SLC25A26: variants seen among roughly 807,000 people sequenced by gnomAD.
SLC25A26 encodes mitochondrial S-adenosylmethionine carrier protein.
Under a neutral mutation model 37.8 loss-of-function variants are expected in SLC25A26, and 36 were observed. That is an observed-to-expected ratio of 0.95 (90% CI 0.73 to 1.26). The LOEUF is 1.26. Among genes scored for constraint, SLC25A26 ranks in the 50% most tolerant of loss-of-function variants. SLC25A26 has a pLI of 0.00. For missense variants in SLC25A26, 390 were observed against 331.1 expected (o/e 1.18, Z -1.38); for synonymous variants, 129 against 122.5 (o/e 1.05, Z -0.35).
intron 3 of SLC25A26, among the ~76,000 whole-genome samples, chr3:66,249,355 C>T (rs1035657842): frequency 1.3e-5 from 2 of 152,186 alleles, no homozygotes; most frequent in African/African-American, 4.8e-5. Flanking sequence ...CCTTTGGTAT[C>T]AGCATATGGG....
intron 1 of SLC25A26, among the ~76,000 whole-genome samples, chr3:66,209,515 T>G (rs1032712803): frequency 6.3e-5 from 9 of 142,336 alleles, no homozygotes; most frequent in Admixed American, 1.5e-4. Context: ...AGTTATATAT[T>G]CTTTGTGTTT....
intron 5 of SLC25A26, among the ~76,000 whole-genome samples, chr3:66,308,580 G>A (rs1049002876): frequency 2.6e-5 from 4 of 152,154 alleles, no homozygotes; most frequent in Non-Finnish European, 4.4e-5. Context: ...CTGCTGTGCC[G>A]GTTTTCAAAG....
chr3:66,149,021 C>A (rs2070160157), intron 1 of SLC25A26, among the ~76,000 whole-genome samples: 1 of 152,126 alleles, frequency 6.6e-6, no homozygotes, highest in African/African-American at 2.4e-5. Context: ...CTCCCCAACA[C>A]TGTAGGATGT....
intron 5 of SLC25A26, among the ~76,000 whole-genome samples, chr3:66,334,976 A>C (rs138674172): frequency 3.3e-5 from 5 of 152,144 alleles, no homozygotes; most frequent in Admixed American, 2.6e-4. Flanking sequence ...TCTATTTTCT[A>C]TCTCTCCTGA....
At chr3:66,237,931 A>G (rs1041395988) in intron 2 of SLC25A26, among the ~76,000 whole-genome samples, 4 of 152,236 alleles carry the variant, frequency 2.6e-5, no homozygotes, top group African/African-American at 9.7e-5. Flanking sequence ...AAAGGTTTGT[A>G]GTGCAAAGAG....
chr3:66,237,562 G>A (rs2072354742), intron 2 of SLC25A26, among the ~76,000 whole-genome samples: 1 of 152,200 alleles, frequency 6.6e-6, no homozygotes, highest in Non-Finnish European at 1.5e-5. Flanking sequence ...TCTCACTAAT[G>A]TTCTCCTGGA....
chr3:66,355,244 G>A (rs905158523), intron 6 of SLC25A26, among the ~76,000 whole-genome samples: 4 of 151,834 alleles, frequency 2.6e-5, no homozygotes, highest in Admixed American at 6.6e-5. Context: ...ATTAGTTCAA[G>A]ATTTTCTTAT....
At position 66,221,047 on chromosome 3, in the gene SLC25A26, C is replaced by T. The variant is rs148202338; in HGVS notation, c.-48C>T. 3,302 of 1,533,924 alleles carry T rather than the reference C, an allele frequency of 2.2e-3. 60 individuals carry two copies. In the African/African-American group the frequency reaches 0.038, roughly 18 times the overall value. On this transcript the variant is annotated 5_prime_UTR_variant, in exon 1 of 10. Transcript: ENST00000354883. ...GCGCCCAGCGCGCGAGGACGTGATC[C>T]GCTTCTGCTCCGGCTTGGATTGTAG...
chr3:66,172,303 C>A (rs1160399480), intron 1 of SLC25A26, among the ~76,000 whole-genome samples: 1 of 148,812 alleles, frequency 6.7e-6, no homozygotes, highest in Non-Finnish European at 1.5e-5. Flanking sequence ...CCCAGCTATT[C>A]AAGAGGCTGA....
chr3:66,262,034 T>A lies in SLC25A26; in HGVS notation c.301-17T>A. 3.4e-6 allele frequency: 5 copies of A among 1,484,252 alleles called. No homozygotes were observed. The highest frequency in any genetic ancestry group is 3.7e-6 in the Non-Finnish European group (4 of 1,091,098). The allele number at this position is 1,484,252 out of a possible 1,614,324, so 91.9% of individuals were successfully genotyped here. ...CAGTTATTTACTTTTTAGGATATAA[T>A]CAAATTTGTCTTTTAGGTTGCCTGC... On this transcript the variant is annotated splice_polypyrimidine_tract_variant and intron_variant, in intron 3 of 9. Coordinates refer to ENST00000354883, the MANE Select transcript of SLC25A26 (RefSeq NM_001379210.1).
intron 1 of SLC25A26, among the ~76,000 whole-genome samples, chr3:66,168,857 C>T (rs948709928): frequency 2.0e-5 from 3 of 152,220 alleles, no homozygotes; most frequent in African/African-American, 7.2e-5. Context: ...TATGGTGGCT[C>T]ACGCCTGTAA....
intron 9 of SLC25A26, chr3:66,371,306 C>T (rs530336109): frequency 4.3e-5 from 66 of 1,549,888 alleles, no homozygotes; most frequent in Non-Finnish European, 5.5e-5. Flanking sequence ...CTGGCAGTGC[C>T]ACCTCCTCAT....
intron 1 of SLC25A26, among the ~76,000 whole-genome samples, chr3:66,143,194 T>C (rs1339161730): frequency 2.6e-5 from 4 of 152,234 alleles, no homozygotes; most frequent in Non-Finnish European, 1.5e-5. Context: ...TTATCCATTA[T>C]ATCCATTGTA....
At chr3:66,376,583 GA>G (rs555458687) in intron 9 of SLC25A26, among the ~76,000 whole-genome samples, 85 of 152,290 alleles carry the variant, frequency 5.6e-4, no homozygotes, top group African/African-American at 1.6e-3. Context: ...ACAATTTTTA[GA>G]CATAATTGCT....
chr3:66,325,402 A>G (rs72902957), intron 5 of SLC25A26, among the ~76,000 whole-genome samples: 1,621 of 152,332 alleles, frequency 0.011, 26 homozygotes, highest in African/African-American at 0.036. Context: ...GCATAGGGGA[A>G]ACATCTGTTA....
chr3:66,313,754 G>A (rs551118338), intron 5 of SLC25A26, among the ~76,000 whole-genome samples: 9 of 152,208 alleles, frequency 5.9e-5, no homozygotes, highest in Non-Finnish European at 1.2e-4. Context: ...ATCCATGAGC[G>A]TGGAATGTTT....
intron 5 of SLC25A26, among the ~76,000 whole-genome samples, chr3:66,301,381 C>T (rs925015243): frequency 6.6e-6 from 1 of 152,166 alleles, no homozygotes; most frequent in African/African-American, 2.4e-5. Context: ...TGCCTTGCAT[C>T]TTTGATGGGC....
intron 5 of SLC25A26, among the ~76,000 whole-genome samples, chr3:66,333,142 G>A (rs752908176): frequency 1.4e-4 from 22 of 152,094 alleles, no homozygotes; most frequent in Non-Finnish European, 3.1e-4. Flanking sequence ...GAATTTAGTA[G>A]GATGTGTCAA....
intron 5 of SLC25A26, among the ~76,000 whole-genome samples, chr3:66,342,052 G>A (rs2107720009): frequency 6.6e-6 from 1 of 152,224 alleles, no homozygotes; most frequent in Admixed American, 6.5e-5. Flanking sequence ...TTTGTTGTCG[G>A]TGGGACAGTA....
Sources: gnomAD v4.1 joint callset for allele counts (sites outside exome capture counted in the v4.1 genomes callset) on GRCh38, gnomAD v4.1.1 for gene constraint, MANE v1.5 for transcripts, NCBI Gene and HGNC (gene_info 2026-07-23, HGNC 2026-07-21) for gene names.